Variants in KIFC3 observed in about 807,000 individuals in gnomAD.
The protein encoded by KIFC3 is kinesin-like protein KIFC3.
A neutral mutation model predicts 101.8 loss-of-function variants in KIFC3; 60 were observed. That is an observed-to-expected ratio of 0.59 (90% CI 0.48 to 0.73). KIFC3 has a LOEUF of 0.73. Among genes scored for constraint, KIFC3 ranks in the 30% least tolerant of loss-of-function variants. KIFC3 has a pLI of 0.00. For missense variants in KIFC3, 966 were observed against 1,137.1 expected (o/e 0.85, Z 2.16); for synonymous variants, 476 against 482.7 (o/e 0.99, Z 0.18).
chr16:57,763,172 G>A (rs1473094760), intron 12 of KIFC3, among the ~76,000 whole-genome samples: 1 of 152,318 alleles, frequency 6.6e-6, no homozygotes, highest in East Asian at 1.9e-4. Context: ...GTGGGGGCAG[G>A]GACTGTTTGG....
chr16:57,765,335 C>A lies in KIFC3; in HGVS notation c.1512+124G>T. 4.1e-6 allele frequency: 4 copies of A among 967,970 alleles called. No individual in the cohort carries two copies. The South Asian group carries it at 5.2e-5, about 12-fold the overall frequency. The allele number at this position is 967,970 out of a possible 1,614,324, so 60.0% of individuals were successfully genotyped here. A position where few individuals can be genotyped will look rare whatever the true frequency, so the allele number is the denominator to read the frequency against. On this transcript the variant is annotated intron_variant, in intron 11 of 19. Transcript: ENST00000445690. ...CAGAGGAAGGAGCAGGACCCTGGCT[C>A]CCCACTTCTGATTCCTGCACCCCCC...
chr16:57,761,561 C>T, intron 13 of KIFC3, 25 bp from the exon 14 acceptor site: 1 of 1,606,146 alleles, frequency 6.2e-7, no homozygotes, highest in Non-Finnish European at 8.5e-7. Flanking sequence ...GAGACAGTCA[C>T]CCCCTCCTCC....
chr16:57,820,033 A>C (rs2055317355), intron 1 of KIFC3, among the ~76,000 whole-genome samples: 1 of 151,288 alleles, frequency 6.6e-6, no homozygotes, highest in African/African-American at 2.4e-5. Context: ...ATGCCCGGCT[A>C]ATTTTTTGTA....
chr16:57,808,963 C>T (rs7501355), intron 1 of KIFC3, among the ~76,000 whole-genome samples: 136,985 of 152,236 alleles, frequency 0.9, 62,394 homozygotes, highest in Middle Eastern at 0.96. Context: ...AGGCAAAGAC[C>T]GGATAGAATT....
At chr16:57,852,898 T>G (rs950133425) in intron 1 of KIFC3, among the ~76,000 whole-genome samples, 2 of 152,202 alleles carry the variant, frequency 1.3e-5, no homozygotes, top group Non-Finnish European at 2.9e-5. Context: ...CCTAGAGCAA[T>G]TTTAAAACTT....
At chr16:57,794,931 G>A in intron 3 of KIFC3, 68 bp downstream of exon 3, 2 of 1,427,000 alleles carry the variant, frequency 1.4e-6, no homozygotes, top group Non-Finnish European at 1.8e-6. Context: ...CCAGAAGCCT[G>A]GCAGGAACCC....
chr16:57,839,492 A>G (rs2055760760), intron 1 of KIFC3, among the ~76,000 whole-genome samples: 1 of 152,148 alleles, frequency 6.6e-6, no homozygotes, highest in Non-Finnish European at 1.5e-5. Context: ...GTGAGCCATG[A>G]TCATCCCACT....
At chr16:57,771,954 G>A (rs1421421182) in intron 4 of KIFC3, among the ~76,000 whole-genome samples, 1 of 152,222 alleles carries the variant, frequency 6.6e-6, no homozygotes, top group Non-Finnish European at 1.5e-5. Flanking sequence ...ACCCTATTCT[G>A]AGTGTGAAAG....
At chr16:57,852,759 CGTG>C (rs1567343434) in intron 1 of KIFC3, among the ~76,000 whole-genome samples, 3 of 4,548 alleles carry the variant, frequency 6.6e-4, no homozygotes, top group Admixed American at 4.7e-3. Context: ...TGTAAGCTCC[CGTG>C]AGCCGTGAGC....
Position 57,769,329 on chromosome 16 carries a change from C to T in KIFC3, c.1218+266G>A, listed in dbSNP as rs1222795326. Among the ~76,000 whole-genome samples, 1 of 152,244 alleles carries T rather than the reference C, an allele frequency of 6.6e-6. No individual in the cohort carries two copies. The highest frequency in any genetic ancestry group is 1.5e-5 in the Non-Finnish European group (1 of 68,054). On this transcript the variant is annotated intron_variant, in intron 9 of 19. Coordinates refer to ENST00000445690, the MANE Select transcript of KIFC3 (RefSeq NM_001130100.2). This position sits in a 1 kb window ranked among gnomAD's most constrained non-coding sequence, Gnocchi z 4.3. ...GGAATTACAGGTGTGAGCCACCGCG[C>T]CTGGCCTGCATGTTTGAAATATGAA...
chr16:57,775,937 C>T, intron 3 of KIFC3: 1 of 985,610 alleles, frequency 1.0e-6, no homozygotes, highest in South Asian at 4.7e-5. Context: ...GGGCGTCACC[C>T]TGCCTGCTCA....
chr16:57,789,562 C>T (rs2053666877), intron 3 of KIFC3, among the ~76,000 whole-genome samples: 2 of 152,096 alleles, frequency 1.3e-5, no homozygotes, highest in African/African-American at 4.8e-5. Context: ...GGTGTAGTGG[C>T]TGAGAGTAGA....
chr16:57,838,700 G>T (rs1245443699), intron 1 of KIFC3, among the ~76,000 whole-genome samples: 1 of 152,204 alleles, frequency 6.6e-6, no homozygotes, highest in Non-Finnish European at 1.5e-5. Flanking sequence ...ATGCTTTTAA[G>T]ACCATCAGGG....
chr16:57,855,706 G>C (rs2056150743), intron 1 of KIFC3, among the ~76,000 whole-genome samples: 1 of 151,992 alleles, frequency 6.6e-6, no homozygotes, highest in Admixed American at 6.6e-5. Context: ...AGCCCTGTGG[G>C]AGACCAAGGC....
chr16:57,848,191 T>C (rs187483416), intron 1 of KIFC3, among the ~76,000 whole-genome samples: 1 of 152,238 alleles, frequency 6.6e-6, no homozygotes, highest in Non-Finnish European at 1.5e-5. Flanking sequence ...TGCCTTGAAG[T>C]TGCCATACAT....
At position 57,769,453 on chromosome 16, in the gene KIFC3, C is replaced by T; in HGVS notation, c.1218+142G>A. ...TTTCAAACAGGGCCTATAAGGGCAG[C>T]AGTAAGTGTCATGGGGGGTGGGGCA... is the stretch of plus-strand genomic sequence containing the variant. On this transcript the variant is annotated intron_variant, in intron 9 of 19. Coordinates refer to ENST00000445690, the MANE Select transcript of KIFC3 (RefSeq NM_001130100.2). This position sits in a 1 kb window ranked among gnomAD's most constrained non-coding sequence, Gnocchi z 4.3. 1 of 996,822 alleles carries T rather than the reference C, an allele frequency of 1.0e-6. No homozygotes were observed. The highest frequency in any genetic ancestry group is 2.5e-5 in the East Asian group (1 of 39,232). The allele number at this position is 996,822 out of a possible 1,614,324, so 61.7% of individuals were successfully genotyped here.
chr16:57,765,355 C>T (rs1417489949), intron 11 of KIFC3, 104 bp downstream of exon 11: 1 of 1,157,268 alleles, frequency 8.6e-7, no homozygotes, highest in Non-Finnish European at 1.2e-6. Context: ...GATTCCTGCA[C>T]CCCCCACTCT....
chr16:57,832,558 A>G (rs2055605292), intron 1 of KIFC3, among the ~76,000 whole-genome samples: 1 of 151,542 alleles, frequency 6.6e-6, no homozygotes, highest in Non-Finnish European at 1.5e-5. Flanking sequence ...CAGGTGATCC[A>G]CCCACCTTGG....
In KIFC3 at chr16:57,762,264, C is replaced by A. The variant is rs997716531; in HGVS notation, c.1624G>T (p.Ala542Ser). The change falls in exon 13 of 20, where the codon GCT becomes TCT. Residue 542 changes from alanine (A) to serine (S), a missense_variant. Transcript: ENST00000445690. ...CGCTGGTTGATACCTGGGTTCTCAG[C>A]GGTCCCCTGGGGACAGAAGGAAAGG... ...AGKTYTMEGTAENPGINQRAL... is the reference protein window; with the variant it reads ...AGKTYTMEGTSENPGINQRAL... 4.5e-6 allele frequency: 7 copies of A among 1,565,432 alleles called. No homozygotes were observed. The Admixed American group carries it at 1.1e-4, about 25-fold the overall frequency.
Sources: allele counts gnomAD v4.1 joint callset (sites outside exome capture counted in the v4.1 genomes callset), GRCh38; gene constraint gnomAD v4.1.1; non-coding constraint Gnocchi (gnomAD v3.1); transcripts MANE v1.5; gene names NCBI Gene and HGNC (gene_info 2026-07-23, HGNC 2026-07-21).